CRBN: variants seen among roughly 807,000 people sequenced by gnomAD.
CRBN encodes cereblon.
Under a neutral mutation model 62.2 loss-of-function variants are expected in CRBN, and 53 were observed. The observed-to-expected ratio is 0.85, with a 90% CI of 0.68 to 1.07. CRBN has a LOEUF of 1.07. Ranked by LOEUF, CRBN falls within the 50% of genes least tolerant of loss-of-function variation. CRBN has a pLI of 0.00. For missense variants in CRBN, 616 were observed against 531.1 expected (o/e 1.16, Z -1.57); for synonymous variants, 208 against 176.1 (o/e 1.18, Z -1.43).
intron 4 of CRBN, among the ~76,000 whole-genome samples, chr3:3,171,248 A>G (rs1707597823): frequency 1.3e-5 from 2 of 152,216 alleles, no homozygotes; most frequent in African/African-American, 4.8e-5. Flanking sequence ...ACTTTTCCCC[A>G]AGTCAATTTT....
chr3:3,166,316 A>G (rs1487569487), intron 5 of CRBN, among the ~76,000 whole-genome samples: 2 of 152,108 alleles, frequency 1.3e-5, no homozygotes, highest in African/African-American at 2.4e-5. Flanking sequence ...GCTGCCATCT[A>G]TGTAAGACGT....
chr3:3,154,145 T>G, intron 7 of CRBN, 70 bp from the exon 8 acceptor site: 1 of 890,134 alleles, frequency 1.1e-6, no homozygotes, highest in Non-Finnish European at 1.9e-6. Context: ...ACAAATCGGA[T>G]AATATCCTTT....
chr3:3,158,012 T>C (rs1482083721), intron 5 of CRBN, among the ~76,000 whole-genome samples: 2 of 152,182 alleles, frequency 1.3e-5, no homozygotes, highest in Non-Finnish European at 2.9e-5. Context: ...AAGGATTCCT[T>C]AATGAGAAAC....
At chr3:3,167,610 A>G (rs1410294004) in intron 5 of CRBN, 24 bp downstream of exon 5, 1 of 1,606,168 alleles carries the variant, frequency 6.2e-7, no homozygotes, top group Admixed American at 1.7e-5. Context: ...TTTTTTGAAG[A>G]TGCATAAAAA....
intron 5 of CRBN, among the ~76,000 whole-genome samples, chr3:3,160,935 A>G (rs1031506482): frequency 6.6e-6 from 1 of 152,256 alleles, no homozygotes; most frequent in Non-Finnish European, 1.5e-5. Context: ...ATAGGGAGCC[A>G]TCTGGAAAAA....
intron 5 of CRBN, among the ~76,000 whole-genome samples, chr3:3,164,178 A>C (rs1707240461): frequency 6.6e-6 from 1 of 152,190 alleles, no homozygotes; most frequent in Non-Finnish European, 1.5e-5. Flanking sequence ...TAACTTTACA[A>C]TGGCTTCTAA....
At chr3:3,166,716 C>G (rs1336588561) in intron 5 of CRBN, among the ~76,000 whole-genome samples, 3 of 152,084 alleles carry the variant, frequency 2.0e-5, no homozygotes, top group Non-Finnish European at 2.9e-5. Context: ...AGTGCCCATT[C>G]TGCACAAGTT....
chr3:3,164,094 C>T (rs949057510), intron 5 of CRBN, among the ~76,000 whole-genome samples: 3 of 152,218 alleles, frequency 2.0e-5, no homozygotes, highest in Non-Finnish European at 4.4e-5. Context: ...CTGACGAGCC[C>T]CTCCATCTCT....
intron 5 of CRBN, among the ~76,000 whole-genome samples, chr3:3,161,273 A>T (rs1707129347): frequency 6.6e-6 from 1 of 152,182 alleles, no homozygotes; most frequent in South Asian, 2.1e-4. Flanking sequence ...AAATGGGCAA[A>T]CACTTTACAG....
chr3:3,178,590 C>T (rs1461704636), intron 1 of CRBN, among the ~76,000 whole-genome samples: 2 of 152,196 alleles, frequency 1.3e-5, no homozygotes, highest in African/African-American at 4.8e-5. Context: ...TTTCCCAAAT[C>T]CTCTGACCCT....
intron 1 of CRBN, among the ~76,000 whole-genome samples, chr3:3,178,485 G>C (rs1707923771): frequency 6.6e-6 from 1 of 152,146 alleles, no homozygotes; most frequent in African/African-American, 2.4e-5. Flanking sequence ...CAGTTTCCCA[G>C]CAACTTAGAC....
intron 5 of CRBN, among the ~76,000 whole-genome samples, chr3:3,160,573 T>C (rs901975053): frequency 1.1e-4 from 16 of 152,188 alleles, no homozygotes; most frequent in Non-Finnish European, 1.6e-4. Flanking sequence ...TGACTATACA[T>C]AGCCTAAGAT....
intron 10 of CRBN, 105 bp from the exon 11 acceptor site, chr3:3,151,150 T>TAGAG (rs765561149): frequency 1.0e-5 from 12 of 1,186,086 alleles, no homozygotes; most frequent in South Asian, 1.3e-5. Context: ...TTCTAAGGAT[T>TAGAG]AGAGATTCTA....
At chr3:3,178,340 T>G (rs546335622) in intron 1 of CRBN, among the ~76,000 whole-genome samples, 145 of 152,186 alleles carry the variant, frequency 9.5e-4, no homozygotes, top group Non-Finnish European at 1.8e-3. Flanking sequence ...CTCAGTCTCT[T>G]CCTCTTTTAA....
At chr3:3,161,563 A>G (rs774436524) in intron 5 of CRBN, among the ~76,000 whole-genome samples, 44 of 152,120 alleles carry the variant, frequency 2.9e-4, no homozygotes, top group Non-Finnish European at 4.4e-4. Context: ...TAATTTTTGT[A>G]TATTTAGTAG....
intron 2 of CRBN, 74 bp downstream of exon 2, chr3:3,175,089 C>T: frequency 1.0e-6 from 1 of 991,824 alleles, no homozygotes; most frequent in Non-Finnish European, 1.6e-6. Context: ...AAATATCAGT[C>T]ACTTGTTTTT....
At chr3:3,168,968 C>T (rs2126065164) in intron 4 of CRBN, among the ~76,000 whole-genome samples, 1 of 152,222 alleles carries the variant, frequency 6.6e-6, no homozygotes, top group Non-Finnish European at 1.5e-5. Flanking sequence ...TCACCTGATT[C>T]ATGAACACAA....
At chr3:3,173,356 C>T (rs990842119) in intron 3 of CRBN, among the ~76,000 whole-genome samples, 1 of 152,036 alleles carries the variant, frequency 6.6e-6, no homozygotes, top group Non-Finnish European at 1.5e-5. Context: ...CCATGCCCGG[C>T]CAATTTTATT....
intron 5 of CRBN, chr3:3,156,485 T>G (rs1706899373): frequency 1.6e-5 from 9 of 578,818 alleles, no homozygotes; most frequent in Non-Finnish European, 2.8e-5. Flanking sequence ...ATATTGTAAC[T>G]AGAATCTTCA....
Sources: gnomAD v4.1 joint callset for allele counts (sites outside exome capture counted in the v4.1 genomes callset) on GRCh38, gnomAD v4.1.1 for gene constraint, MANE v1.5 for transcripts, NCBI Gene and HGNC (gene_info 2026-07-23, HGNC 2026-07-21) for gene names.